Variants in DACH1 observed in about 807,000 individuals in gnomAD.
DACH1 encodes dachshund family transcription factor 1.
DACH1 carries 12 observed loss-of-function variants against 54.2 expected under a neutral mutation model. That is an observed-to-expected ratio of 0.22 (90% CI 0.14 to 0.36). DACH1 has a LOEUF of 0.36. DACH1 is among the 10% of genes least tolerant of loss of function. DACH1 has a pLI of 1.00. For missense variants in DACH1, 805 were observed against 929.8 expected (o/e 0.87, Z 1.75); for synonymous variants, 386 against 366.2 (o/e 1.05, Z -0.62).
At chr13:71,684,234 T>C (rs144499684) in intron 1 of DACH1, among the ~76,000 whole-genome samples, 1 of 152,178 alleles carries the variant, frequency 6.6e-6, no homozygotes, top group African/African-American at 2.4e-5. Flanking sequence ...TCTAAACAAC[T>C]CTCCATGCTA....
chr13:71,545,567 A>AAAGG (rs199677715), intron 6 of DACH1, among the ~76,000 whole-genome samples: 1 of 150,398 alleles, frequency 6.6e-6, no homozygotes, highest in South Asian at 2.1e-4. Flanking sequence ...GAGAGGGAGG[A>AAAGG]AAGGAAGGAA....
chr13:71,538,718 A>G (rs1472425428), intron 6 of DACH1, among the ~76,000 whole-genome samples: 1 of 152,150 alleles, frequency 6.6e-6, no homozygotes, highest in Non-Finnish European at 1.5e-5. Context: ...TAGTTTAAAA[A>G]TAAAAACATA....
At chr13:71,441,234 A>C (rs2138093328) in intron 10 of DACH1, among the ~76,000 whole-genome samples, 1 of 152,188 alleles carries the variant, frequency 6.6e-6, no homozygotes, top group Middle Eastern at 3.4e-3. Context: ...TTGAAGTGAG[A>C]TTCATCCAAC....
chr13:71,504,554 G>C (rs552764587), intron 6 of DACH1, among the ~76,000 whole-genome samples: 1 of 152,286 alleles, frequency 6.6e-6, no homozygotes, highest in Non-Finnish European at 1.5e-5. Context: ...TCGCTAAGGG[G>C]AGAGAGGTTA....
intron 1 of DACH1, among the ~76,000 whole-genome samples, chr13:71,791,432 G>A (rs1886828492): frequency 6.6e-6 from 1 of 152,294 alleles, no homozygotes; most frequent in Non-Finnish European, 1.5e-5. Flanking sequence ...GCAGGCGGGA[G>A]TGCAGTGGCG....
rs576246231 is a variant in DACH1, at chr13:71,783,451, G to A, written c.848+82471C>T. On this transcript the variant is annotated intron_variant, in intron 1 of 10. Transcript: ENST00000613252. Reference sequence around the variant, plus strand: ...CTTATGTTTTCCTATCAAAGGACAGGCAGAGGTTCCAAAAATGTAAGATAA... The same window carrying A: ...CTTATGTTTTCCTATCAAAGGACAGACAGAGGTTCCAAAAATGTAAGATAA... Among the ~76,000 whole-genome samples, 5 of 152,200 alleles carry A rather than the reference G, an allele frequency of 3.3e-5. No homozygotes were observed. In the South Asian group the frequency reaches 1.0e-3, roughly 32 times the overall value.
intron 1 of DACH1, among the ~76,000 whole-genome samples, chr13:71,845,031 A>T (rs1566538669): frequency 6.6e-6 from 1 of 152,146 alleles, no homozygotes; most frequent in African/African-American, 2.4e-5. Flanking sequence ...AGAGGAGTCA[A>T]TTCTAGTGTT....
rs547060293 is a variant in DACH1 at position 71,446,045 on chromosome 13, A to G, written c.2084-5353T>C. The stretch of plus-strand genomic sequence containing the variant: ...AGAAAAGCCATGGGCCATGGAGAAG[A>G]CTTTGCAAAAATGAGCGGCAAAAGA... On this transcript the variant is annotated intron_variant, in intron 10 of 10. Transcript: ENST00000613252. 4.6e-5 allele frequency among the ~76,000 whole-genome samples: 7 copies of G among 152,328 alleles called. No individual in the cohort carries two copies. In the South Asian group the frequency reaches 1.5e-3, roughly 32 times the overall value.
chr13:71,455,795 T>C (rs962532940), intron 10 of DACH1, among the ~76,000 whole-genome samples: 2 of 152,162 alleles, frequency 1.3e-5, no homozygotes, highest in Non-Finnish European at 2.9e-5. Flanking sequence ...TTTGATTTAG[T>C]GATTGTAATT....
At chr13:71,532,145 A>T (rs1882460128) in intron 6 of DACH1, among the ~76,000 whole-genome samples, 1 of 151,908 alleles carries the variant, frequency 6.6e-6, no homozygotes, top group Admixed American at 6.6e-5. Context: ...TCCATTATGG[A>T]CACTTGTTAC....
intron 6 of DACH1, among the ~76,000 whole-genome samples, chr13:71,495,326 G>C (rs1217361034): frequency 6.6e-6 from 1 of 151,760 alleles, no homozygotes; most frequent in East Asian, 1.9e-4. Flanking sequence ...AAATACTAGA[G>C]AATAAAATAG....
intron 6 of DACH1, among the ~76,000 whole-genome samples, chr13:71,538,969 G>A (rs1244160236): frequency 6.6e-6 from 1 of 151,960 alleles, no homozygotes; most frequent in Non-Finnish European, 1.5e-5. Flanking sequence ...TCACATAAAA[G>A]TCATCTTTCA....
intron 1 of DACH1, among the ~76,000 whole-genome samples, chr13:71,819,905 G>A (rs1175196538): frequency 6.6e-6 from 1 of 151,898 alleles, no homozygotes. Flanking sequence ...GTACTCGGGG[G>A]AGAAGATGTG....
chr13:71,619,487 G>T (rs1566383092), intron 3 of DACH1, among the ~76,000 whole-genome samples: 1 of 151,808 alleles, frequency 6.6e-6, no homozygotes, highest in African/African-American at 2.4e-5. Flanking sequence ...TTCATGGTGG[G>T]TTTTTTCAAA....
At chr13:71,639,890 T>G (rs1291358606) in intron 2 of DACH1, among the ~76,000 whole-genome samples, 1 of 152,096 alleles carries the variant, frequency 6.6e-6, no homozygotes, top group East Asian at 1.9e-4. Context: ...CTTAAATATG[T>G]AACTTTTACT....
intron 1 of DACH1, among the ~76,000 whole-genome samples, chr13:71,789,412 A>C (rs1886743580): frequency 6.6e-6 from 1 of 152,150 alleles, no homozygotes; most frequent in Non-Finnish European, 1.5e-5. Context: ...AAGTGCATAA[A>C]GATTTGCTTG....
At chr13:71,832,197 C>G (rs376565056) in intron 1 of DACH1, among the ~76,000 whole-genome samples, 1 of 151,828 alleles carries the variant, frequency 6.6e-6, no homozygotes, top group Non-Finnish European at 1.5e-5. Flanking sequence ...AAAGAGAAGA[C>G]AACTAAATGG....
chr13:71,541,455 A>G (rs571074324), intron 6 of DACH1, among the ~76,000 whole-genome samples: 1 of 152,290 alleles, frequency 6.6e-6, no homozygotes, highest in African/African-American at 2.4e-5. Context: ...AACACCTTCA[A>G]TAAAAGTATC....
intron 6 of DACH1, among the ~76,000 whole-genome samples, chr13:71,522,982 C>T (rs192486132): frequency 9.1e-4 from 138 of 152,172 alleles, no homozygotes; most frequent in Non-Finnish European, 1.4e-3. Flanking sequence ...GGCAAGAATG[C>T]ATATGTTTAT....
Sources: gnomAD v4.1 joint callset for allele counts (sites outside exome capture counted in the v4.1 genomes callset) on GRCh38, gnomAD v4.1.1 for gene constraint, MANE v1.5 for transcripts, NCBI Gene and HGNC (gene_info 2026-07-23, HGNC 2026-07-21) for gene names.